Variants in SMAD4 observed in about 807,000 individuals in gnomAD.
The protein encoded by SMAD4 is SMAD family member 4.
SMAD4 carries 7 observed loss-of-function variants against 63.2 expected under a neutral mutation model. That is an observed-to-expected ratio of 0.11 (90% CI 0.06 to 0.21). The LOEUF (loss-of-function observed/expected upper bound fraction) is 0.21, where lower values mean the gene tolerates loss of function less well. SMAD4 is among the 10% of genes least tolerant of loss of function. SMAD4 has a pLI of 1.00. For synonymous variants in SMAD4, 215 were observed against 235.4 expected (o/e 0.91, Z 0.79); for missense variants, 312 against 693.8 (o/e 0.45, Z 6.18).
At chr18:51,051,001 GCAGA>G (rs1215057160) in intron 4 of SMAD4, 1 of 157,804 alleles carries the variant, frequency 6.3e-6, no homozygotes, top group Non-Finnish European at 1.4e-5. Context: ...TCTTTGCTAC[GCAGA>G]CATTGATATT....
rs1345951480 is a variant in SMAD4, at chr18:51,078,576, A to G, written c.*109A>G. The G allele has an allele frequency of 1.2e-6, 1 of 844,648 alleles. No homozygotes were observed. Among genetic ancestry groups the G allele is most frequent in the Non-Finnish European group, 1.8e-6 (1 of 541,604 alleles). 52.3% of individuals were successfully genotyped at this position (844,648 alleles called of 1,614,324 possible). A position where few individuals can be genotyped will look rare whatever the true frequency, so the allele number is the denominator to read the frequency against. ...CACTTTTGTTCTGCTTTATCTTTTC[A>G]TAAAGGGTTGAAAATGTGTTTGCTG... On this transcript the variant is annotated 3_prime_UTR_variant, in exon 12 of 12. Transcript: ENST00000342988.
intron 4 of SMAD4, chr18:51,051,451 A>G (rs1488757691): frequency 2.2e-6 from 1 of 451,852 alleles, no homozygotes; most frequent in Admixed American, 2.4e-5. Context: ...CAGTTCCTTC[A>G]TTTTTGAGTT....
intron 8 of SMAD4, among the ~76,000 whole-genome samples, chr18:51,062,851 GTTTTTTTTTT>G (rs71171374): frequency 0.013 from 868 of 65,406 alleles, 16 homozygotes; most frequent in Non-Finnish European, 0.016. Context: ...GGCTTTACTT[GTTTTTTTTTT>G]TTTTTTTTTT....
intron 10 of SMAD4, among the ~76,000 whole-genome samples, chr18:51,071,073 G>A (rs1910302859): frequency 6.6e-6 from 1 of 152,124 alleles, no homozygotes; most frequent in South Asian, 2.1e-4. Flanking sequence ...AGATAAGGGA[G>A]GAATACTGTA....
Position 51,079,938 on chromosome 18 carries a change from GGAC to G in SMAD4, c.*1472_*1474del, listed in dbSNP as rs1389115134. 5.5e-4 allele frequency: 128 copies of G among 231,248 alleles called. 1 individual carries two copies. The highest frequency in any genetic ancestry group is 1.3e-4 in the Non-Finnish European group (15 of 117,512). The allele number at this position is 231,248 out of a possible 1,614,324, so 14.3% of individuals were successfully genotyped here. ...TCACACTCTACCGGGACTTCCCCAT[GGAC>G]ATTGTGTATCATGTGTAGAGTTGGT... On this transcript the variant is annotated 3_prime_UTR_variant, in exon 12 of 12. Coordinates refer to ENST00000342988, the MANE Select transcript of SMAD4 (RefSeq NM_005359.6).
intron 11 of SMAD4, 162 bp downstream of exon 11, chr18:51,076,938 T>G: frequency 1.7e-6 from 1 of 580,594 alleles, no homozygotes; most frequent in Non-Finnish European, 3.0e-6. Flanking sequence ...CTGTAATAGT[T>G]GCTTTTTGCC....
intron 9 of SMAD4, among the ~76,000 whole-genome samples, chr18:51,066,066 A>G (rs1474418291): frequency 6.6e-6 from 1 of 152,260 alleles, no homozygotes; most frequent in East Asian, 1.9e-4. Flanking sequence ...AGTTTATATA[A>G]TGAGGCTGGG....
In SMAD4 at chr18:51,078,799, A is replaced by G. The variant is rs975068806; in HGVS notation, c.*332A>G. ...TCTTAGAGCCTTTTATCTGCAGAAC[A>G]TCGATATGTATATCATTCTACAGAA... On this transcript the variant is annotated 3_prime_UTR_variant, in exon 12 of 12. Transcript: ENST00000342988. The G allele has an allele frequency of 2.1e-5, 7 of 329,632 alleles. No individual in the cohort carries two copies. The highest frequency in any genetic ancestry group is 3.4e-5 in the Non-Finnish European group (6 of 177,026). 20.4% of individuals were successfully genotyped at this position (329,632 alleles called of 1,614,324 possible).
chr18:51,053,942 A>G (rs1909773938), intron 4 of SMAD4: 1 of 152,186 alleles, frequency 6.6e-6, no homozygotes, highest in African/African-American at 2.4e-5. Context: ...CCTAAAAACA[A>G]ATGGGAAGGT....
rs962792044 is a variant in SMAD4 at position 51,030,419 on chromosome 18, C to T, written c.-332C>T. Reference sequence around the variant, plus strand: ...GAGCCAGGCGCCCAGCGAGAGAGGCCCCCCGCCGCAGGGCGGCCCGGGAGC... The same window carrying T: ...GAGCCAGGCGCCCAGCGAGAGAGGCTCCCCGCCGCAGGGCGGCCCGGGAGC... On this transcript the variant is annotated 5_prime_UTR_variant, in exon 1 of 12. Transcript: ENST00000342988. 2.0e-5 allele frequency: 3 copies of T among 151,500 alleles called. No individual in the cohort carries two copies. The highest frequency in any genetic ancestry group is 7.3e-5 in the African/African-American group (3 of 41,278). The allele number at this position is 151,500 out of a possible 1,614,324, so 9.4% of individuals were successfully genotyped here. A position where few individuals can be genotyped will look rare whatever the true frequency, so the allele number is the denominator to read the frequency against.
chr18:51,051,878 C>T (rs948804327), intron 4 of SMAD4, among the ~76,000 whole-genome samples: 6 of 152,026 alleles, frequency 3.9e-5, no homozygotes, highest in African/African-American at 1.5e-4. Context: ...GCGATTTCGG[C>T]TCACTGCAAC....
chr18:51,057,380 A>G (rs1909873420), intron 5 of SMAD4, among the ~76,000 whole-genome samples: 1 of 152,234 alleles, frequency 6.6e-6, no homozygotes, highest in Non-Finnish European at 1.5e-5. Flanking sequence ...GTTTTTGAAT[A>G]GAATACAAGC....
chr18:51,036,657 T>C (rs1208216957), intron 1 of SMAD4, among the ~76,000 whole-genome samples: 1 of 152,222 alleles, frequency 6.6e-6, no homozygotes, highest in African/African-American at 2.4e-5. Context: ...CATATACTCA[T>C]GATACTTAAT....
chr18:51,042,287 GCCTCCCTCCCTCCTTC>G (rs151303874), intron 1 of SMAD4, among the ~76,000 whole-genome samples: 41,288 of 134,884 alleles, frequency 0.31, 7,029 homozygotes, highest in East Asian at 0.44. Context: ...TTGCCTGCCT[GCCTCCCTCCCTCCTTC>G]CCTCCCTCCC....
intron 5 of SMAD4, among the ~76,000 whole-genome samples, chr18:51,055,328 A>G (rs1335986822): frequency 6.6e-6 from 1 of 152,174 alleles, no homozygotes; most frequent in South Asian, 2.1e-4. Context: ...GGTCTGTGTT[A>G]ATGGAATTGC....
chr18:51,058,546 T>C, intron 7 of SMAD4, 90 bp downstream of exon 7: 1 of 867,034 alleles, frequency 1.2e-6, no homozygotes, highest in Admixed American at 2.2e-5. Context: ...TTTACATCTT[T>C]TATTCATCCT....
At chr18:51,045,771 C>T (rs924291763) in intron 1 of SMAD4, among the ~76,000 whole-genome samples, 1 of 152,048 alleles carries the variant, frequency 6.6e-6, no homozygotes, top group Non-Finnish European at 1.5e-5. Context: ...AAACACCATA[C>T]CCATTAGCAG....
chr18:51,059,405 G>A (rs1011262689), intron 7 of SMAD4, among the ~76,000 whole-genome samples: 3 of 152,204 alleles, frequency 2.0e-5, no homozygotes, highest in Non-Finnish European at 4.4e-5. Flanking sequence ...AATAATTTAT[G>A]TGAGGTGTTT....
intron 1 of SMAD4, chr18:51,045,147 CTG>C (rs1231720291): frequency 6.6e-6 from 1 of 152,138 alleles, no homozygotes; most frequent in Non-Finnish European, 1.5e-5. Context: ...AATCTTGTAA[CTG>C]TAACGGAATG....
Sources: allele counts gnomAD v4.1 joint callset (sites outside exome capture counted in the v4.1 genomes callset), GRCh38; gene constraint gnomAD v4.1.1; transcripts MANE v1.5; gene names NCBI Gene and HGNC (gene_info 2026-07-23, HGNC 2026-07-21).